POLR1C: variants seen among roughly 807,000 people sequenced by gnomAD.
POLR1C encodes DNA-directed RNA polymerases I and III subunit RPAC1.
A neutral mutation model predicts 38.3 loss-of-function variants in POLR1C; 42 were observed. The ratio of observed to expected loss-of-function variants is 1.10; its 90% confidence interval spans 0.86 to 1.42. The LOEUF (loss-of-function observed/expected upper bound fraction) is 1.42, where lower values mean the gene tolerates loss of function less well. POLR1C is among the 40% of genes most tolerant of loss of function. The pLI is 0.00. For synonymous variants in POLR1C, 163 were observed against 163.9 expected (o/e 0.99, Z 0.04); for missense variants, 507 against 450.5 (o/e 1.13, Z -1.14).
chr6:43,518,746 C>T (rs1792979775), intron 2 of POLR1C, among the ~76,000 whole-genome samples: 1 of 152,150 alleles, frequency 6.6e-6, no homozygotes, highest in Non-Finnish European at 1.5e-5. Context: ...TGCAGTGGCG[C>T]GATCTTGGCT....
chr6:43,554,411 G>A (rs1395266825), intron 10 of POLR1C, among the ~76,000 whole-genome samples: 2 of 146,270 alleles, frequency 1.4e-5, no homozygotes, highest in Non-Finnish European at 3.0e-5. Flanking sequence ...GTGCCCAGCC[G>A]CTTTTCTTTT....
At chr6:43,531,093 C>T (rs1793946349), downstream of POLR1C, among the ~76,000 whole-genome samples, 1 of 152,144 alleles carries the variant, frequency 6.6e-6, no homozygotes, top group African/African-American at 2.4e-5. Context: ...TTAGTGAGGC[C>T]AAAGCCCATG....
At chr6:43,539,088 A>G (rs1794529056) in intron 9 of POLR1C, 12 of 1,336,232 alleles carry the variant, frequency 9.0e-6, no homozygotes, top group Non-Finnish European at 1.3e-5. Context: ...ACAGGTGCGG[A>G]GACAATGCCA....
At chr6:43,527,282 T>C (rs944476705) in intron 8 of POLR1C, 2 of 204,404 alleles carry the variant, frequency 9.8e-6, no homozygotes, top group African/African-American at 2.3e-5. Context: ...AAACATGAAC[T>C]TTTTTTTTGA....
At chr6:43,532,370 A>C (rs774524073), downstream of POLR1C, among the ~76,000 whole-genome samples, 1 of 152,180 alleles carries the variant, frequency 6.6e-6, no homozygotes, top group Non-Finnish European at 1.5e-5. Flanking sequence ...TTGCTTGACC[A>C]CAGCCGGGCT....
At chr6:43,532,919 C>A (rs557909737), downstream of POLR1C, among the ~76,000 whole-genome samples, 244 of 152,228 alleles carry the variant, frequency 1.6e-3, no homozygotes, top group African/African-American at 5.5e-3. Flanking sequence ...CCAAGGCAGG[C>A]AGAGCACTTG....
exon 11 of POLR1C, chr6:43,561,772 G>A (rs903187589): frequency 6.5e-6 from 1 of 153,662 alleles, no homozygotes; most frequent in African/African-American, 2.4e-5. Flanking sequence ...CTGTTCCAAT[G>A]TCCTATCTTC....
At chr6:43,546,784 T>G in intron 9 of POLR1C, 1 of 1,462,056 alleles carries the variant, frequency 6.8e-7, no homozygotes, top group Non-Finnish European at 9.1e-7. Context: ...AGATAAATAT[T>G]AAAAGGAAAA....
chr6:43,532,885 C>CTA (rs1794070815), downstream of POLR1C, among the ~76,000 whole-genome samples: 1 of 152,192 alleles, frequency 6.6e-6, no homozygotes, highest in East Asian at 1.9e-4. Context: ...TGGCTCATGC[C>CTA]TATAATCCTG....
At chr6:43,524,440 T>C (rs769548575), downstream of POLR1C, 2 of 1,604,344 alleles carry the variant, frequency 1.2e-6, no homozygotes, top group East Asian at 2.2e-5. Flanking sequence ...AAGAAGGGGG[T>C]TGGGAGCACT....
intron 4 of POLR1C, 71 bp downstream of exon 4, chr6:43,519,909 A>G (rs1378375544): frequency 6.4e-7 from 1 of 1,563,754 alleles, no homozygotes; most frequent in East Asian, 2.3e-5. Flanking sequence ...ATGTTGGGTA[A>G]GTTACTTATC....
At chr6:43,523,329 C>G (rs1793313709), downstream of POLR1C, 2 of 243,464 alleles carry the variant, frequency 8.2e-6, no homozygotes, top group African/African-American at 4.5e-5. Flanking sequence ...GAGAACTGAC[C>G]AAGTTCTCTT....
intron 9 of POLR1C, chr6:43,548,223 T>G: frequency 3.9e-4 from 596 of 1,524,092 alleles, no homozygotes; most frequent in Non-Finnish European, 4.8e-4. Context: ...AATGGGTGCT[T>G]GAGTATAGTA....
chr6:43,558,758 T>C (rs1762249008), intron 10 of POLR1C, among the ~76,000 whole-genome samples: 1 of 152,206 alleles, frequency 6.6e-6, no homozygotes, highest in Non-Finnish European at 1.5e-5. Context: ...CACAGTTTGC[T>C]CCCAGTTCCA....
chr6:43,544,729 A>G (rs1392990760), intron 9 of POLR1C, among the ~76,000 whole-genome samples: 1 of 152,188 alleles, frequency 6.6e-6, no homozygotes, highest in Non-Finnish European at 1.5e-5. Flanking sequence ...CCTGGGCAAC[A>G]TGGCAAAACC....
chr6:43,556,738 T>C (rs1762110177), intron 10 of POLR1C, among the ~76,000 whole-genome samples: 1 of 152,180 alleles, frequency 6.6e-6, no homozygotes, highest in Non-Finnish European at 1.5e-5. Context: ...AGCAGCATTA[T>C]TTGTAATAGC....
At chr6:43,553,583 A>C in intron 10 of POLR1C, 1 of 1,499,902 alleles carries the variant, frequency 6.7e-7, no homozygotes, top group Non-Finnish European at 8.9e-7. Context: ...GAAGACACAG[A>C]GAGACAATGG....
intron 10 of POLR1C, among the ~76,000 whole-genome samples, chr6:43,556,543 T>A (rs957456221): frequency 2.3e-4 from 34 of 147,542 alleles, no homozygotes; most frequent in East Asian, 1.2e-3. Context: ...AAAAAAAAAA[T>A]TTTTAAAAAG....
chr6:43,560,641 A>G (rs1231702172), intron 10 of POLR1C, among the ~76,000 whole-genome samples: 1 of 152,216 alleles, frequency 6.6e-6, no homozygotes, highest in Non-Finnish European at 1.5e-5. Context: ...TTTTGTTTCA[A>G]AAATCTTTAT....
Sources: gnomAD v4.1 joint callset for allele counts (sites outside exome capture counted in the v4.1 genomes callset) on GRCh38, gnomAD v4.1.1 for gene constraint, MANE v1.5 for transcripts, NCBI Gene and HGNC (gene_info 2026-07-23, HGNC 2026-07-21) for gene names.